The following BTLA variants were observed in gnomAD, a reference collection of about 807,000 sequenced individuals.
BTLA encodes the protein B- and T-lymphocyte attenuator.
In BTLA, 11 loss-of-function variants were observed where a neutral mutation model predicts 25.0. The ratio of observed to expected loss-of-function variants is 0.44; its 90% confidence interval spans 0.28 to 0.73. The LOEUF (loss-of-function observed/expected upper bound fraction) is 0.73, where lower values mean the gene tolerates loss of function less well. Ranked by LOEUF, BTLA falls within the 30% of genes least tolerant of loss-of-function variation. BTLA has a pLI of 0.15. For synonymous variants in BTLA, 104 were observed against 119.8 expected, an observed-to-expected ratio of 0.87 and a Z score of 0.86; for missense variants, 282 against 332.8, an observed-to-expected ratio of 0.85 and a Z score of 1.19.
At chr3:112,499,616 T>G (rs1025662854), upstream of BTLA, 2 of 402,122 alleles carry the variant, frequency 5.0e-6, no homozygotes, top group Non-Finnish European at 8.9e-6. Flanking sequence ...CTGTTCACTT[T>G]CAAACACTGT....
At chr3:112,496,763 T>C (rs2082411225) in intron 1 of BTLA, among the ~76,000 whole-genome samples, 1 of 152,002 alleles carries the variant, frequency 6.6e-6, no homozygotes, top group South Asian at 2.1e-4. Flanking sequence ...CTCAAGTCTT[T>C]CCCTTTTTTT....
chr3:112,469,708 A>G (rs1465642801), intron 4 of BTLA, 50 bp downstream of exon 4: 1 of 1,502,246 alleles, frequency 6.7e-7, no homozygotes, highest in South Asian at 1.1e-5. Flanking sequence ...AAATAAATAA[A>G]CACAGTATAA....
At chr3:112,488,699 C>A (rs922516816) in intron 1 of BTLA, among the ~76,000 whole-genome samples, 1 of 152,102 alleles carries the variant, frequency 6.6e-6, no homozygotes, top group Non-Finnish European at 1.5e-5. Context: ...CTGCAACCTC[C>A]ACCCACCGGG....
intron 1 of BTLA, among the ~76,000 whole-genome samples, chr3:112,488,228 C>CTTTTTTTT (rs546779181): frequency 1.5e-3 from 188 of 124,722 alleles, no homozygotes; most frequent in Non-Finnish European, 1.9e-3. Context: ...TTTCTTTTTT[C>CTTTTTTTT]TTTTTTTTTT....
chr3:112,495,373 T>C (rs1456591065), intron 1 of BTLA, among the ~76,000 whole-genome samples: 3 of 152,134 alleles, frequency 2.0e-5, no homozygotes, highest in Admixed American at 6.5e-5. Flanking sequence ...TACATAAAGA[T>C]GAAACTCACA....
chr3:112,499,486 AAAG>A (rs111784667), upstream of BTLA: 7 of 656,190 alleles, frequency 1.1e-5, no homozygotes, highest in African/African-American at 7.3e-5. Context: ...AAAAAAAAAA[AAAG>A]AAGAGAGAGG....
chr3:112,466,714 A>T (rs1244145647), intron 4 of BTLA, among the ~76,000 whole-genome samples: 1 of 152,202 alleles, frequency 6.6e-6, no homozygotes, highest in African/African-American at 2.4e-5. Flanking sequence ...TCCTATGAAA[A>T]CTTCAGGCAG....
Position 112,499,328 on chromosome 3 carries a change from C to T in BTLA, c.31G>A (p.Gly11Arg), listed in dbSNP as rs1488824647. The change falls in exon 1 of 5, where the codon GGG becomes AGG. Residue 11 changes from glycine (G) to arginine (R), a missense_variant. Gly to Arg is a moderately radical substitution (Grantham distance 125). Around this residue, in one of 2 missense-constraint regions of BTLA, gnomAD observed 163 missense variants for 230.4 expected, o/e 0.71. Coordinates refer to ENST00000334529, the MANE Select transcript of BTLA (RefSeq NM_181780.4). ...AAGAAGAAGACCCAAAATAATTTCC[C>T]AGTTCCAAGCATGGCAGGCAATGTC... MKTLPAMLGT[G>R]KLFWVFFLIP... 10 of 1,613,720 alleles carry T rather than the reference C, an allele frequency of 6.2e-6. No homozygotes were observed. Among genetic ancestry groups the T allele is most frequent in the African/African-American group, 1.3e-5 (1 of 74,850 alleles).
intron 3 of BTLA, among the ~76,000 whole-genome samples, chr3:112,470,808 T>C (rs927360331): frequency 1.3e-5 from 2 of 152,202 alleles, no homozygotes; most frequent in East Asian, 1.9e-4. Flanking sequence ...ATTGGCATGA[T>C]GTGGTGTGGC....
At chr3:112,484,071 G>GTAT (rs2082333304) in intron 1 of BTLA, among the ~76,000 whole-genome samples, 2 of 152,172 alleles carry the variant, frequency 1.3e-5, no homozygotes, top group Admixed American at 1.3e-4. Context: ...CTGAACCTTG[G>GTAT]TGAATGAGTA....
chr3:112,486,895 CTTT>C (rs2082350692), intron 1 of BTLA, among the ~76,000 whole-genome samples: 2 of 152,134 alleles, frequency 1.3e-5, no homozygotes, highest in African/African-American at 4.8e-5. Flanking sequence ...TGTTCTGCTT[CTTT>C]GTCTCAGCAT....
intron 2 of BTLA, among the ~76,000 whole-genome samples, chr3:112,478,110 T>A (rs920018040): frequency 5.9e-5 from 9 of 152,030 alleles, no homozygotes; most frequent in Non-Finnish European, 1.0e-4. Context: ...TCTGGGTCTG[T>A]TGCAACTCAA....
At position 112,469,607 on chromosome 3, in the gene BTLA, GTATA is replaced by G. The variant is rs60258722; in HGVS notation, c.594+147_594+150del. Reference sequence around the variant, plus strand: ...TTCACATTTTTAAAAATGGGTCTATGTATATATATATATATATATATATATATAT... The same window carrying G: ...TTCACATTTTTAAAAATGGGTCTATGTATATATATATATATATATATATAT... On this transcript the variant is annotated intron_variant, in intron 4 of 4. Transcript: ENST00000334529. 207 of 58,378 alleles carry G rather than the reference GTATA, an allele frequency of 3.5e-3. 1 individual carries two copies. The highest frequency in any genetic ancestry group is 0.012 in the African/African-American group (173 of 13,978). The allele number at this position is 58,378 out of a possible 1,614,324, so 3.6% of individuals were successfully genotyped here. A position where few individuals can be genotyped will look rare whatever the true frequency, so the allele number is the denominator to read the frequency against.
At chr3:112,496,236 G>A (rs2082408455) in intron 1 of BTLA, among the ~76,000 whole-genome samples, 3 of 152,240 alleles carry the variant, frequency 2.0e-5, no homozygotes, top group South Asian at 2.1e-4. Context: ...TTGCAGTCTA[G>A]ATCTTGCCAG....
At chr3:112,479,942 A>G (rs1184589118) in intron 1 of BTLA, among the ~76,000 whole-genome samples, 173 bp from the exon 2 acceptor site, 1 of 152,216 alleles carries the variant, frequency 6.6e-6, no homozygotes, top group Non-Finnish European at 1.5e-5. Context: ...TATAATAAAT[A>G]TGTTTAAAAA....
chr3:112,492,756 G>A (rs2107338177), intron 1 of BTLA, among the ~76,000 whole-genome samples: 1 of 152,302 alleles, frequency 6.6e-6, no homozygotes, highest in East Asian at 1.9e-4. Context: ...ATGAAGTGGG[G>A]CCATAACCCC....
At chr3:112,479,819 C>T (rs762830246) in intron 1 of BTLA, 50 bp from the exon 2 acceptor site, 1 of 1,412,676 alleles carries the variant, frequency 7.1e-7, no homozygotes, top group Admixed American at 2.3e-5. Flanking sequence ...CTGGAAGTAC[C>T]ATATATATGT....
chr3:112,488,638 G>T (rs189322056), intron 1 of BTLA, among the ~76,000 whole-genome samples: 125 of 151,964 alleles, frequency 8.2e-4, no homozygotes, highest in Admixed American at 1.6e-3. Context: ...TGTTGAGACG[G>T]AGTCTCGCTC....
At chr3:112,467,813 C>T (rs1039900975) in intron 4 of BTLA, among the ~76,000 whole-genome samples, 1 of 152,232 alleles carries the variant, frequency 6.6e-6, no homozygotes. Context: ...GTAGGTGGCA[C>T]ACTAAAGAAG....
Sources: allele counts gnomAD v4.1 joint callset (sites outside exome capture counted in the v4.1 genomes callset), GRCh38; gene constraint gnomAD v4.1.1; regional missense constraint gnomAD v4.1.1; transcripts MANE v1.5; gene names NCBI Gene and HGNC (gene_info 2026-07-23, HGNC 2026-07-21).